TRHDE: variants seen among roughly 807,000 people sequenced by gnomAD.
TRHDE encodes thyrotropin-releasing hormone-degrading ectoenzyme.
In TRHDE, 72 loss-of-function variants were observed where a neutral mutation model predicts 125.7. That is an observed-to-expected ratio of 0.57 (90% CI 0.47 to 0.70). The LOEUF is 0.70. Among genes scored for constraint, TRHDE ranks in the 30% least tolerant of loss-of-function variants. TRHDE has a pLI of 0.00. For missense variants in TRHDE, 1,110 were observed against 1,327.1 expected (o/e 0.84, Z 2.54); for synonymous variants, 509 against 509.1 (o/e 1.00, Z 0.00).
intron 5 of TRHDE, among the ~76,000 whole-genome samples, chr12:72,489,420 G>A (rs1037569828): frequency 1.3e-4 from 20 of 151,790 alleles, no homozygotes; most frequent in African/African-American, 2.2e-4. Context: ...CTATATTACC[G>A]AAAGCAATGT....
At chr12:72,108,704 G>A (rs1293127628) in intron 2 of TRHDE, among the ~76,000 whole-genome samples, 4 of 152,046 alleles carry the variant, frequency 2.6e-5, no homozygotes, top group African/African-American at 9.7e-5. Flanking sequence ...TAAACCCATG[G>A]TAATTAGCAT....
At position 72,347,605 on chromosome 12, in the gene TRHDE, G is replaced by C. The variant is rs577779622; in HGVS notation, c.1189-30390G>C. ...GGGGCCACTTCCAAGTTACTAATGT[G>C]GTTGTTCACAGAATTCAGTTCCTCG... On this transcript the variant is annotated intron_variant, in intron 2 of 18. Coordinates refer to ENST00000261180, the MANE Select transcript of TRHDE (RefSeq NM_013381.3). Among the ~76,000 whole-genome samples, 7 of 152,132 alleles carry C rather than the reference G, an allele frequency of 4.6e-5. No individual in the cohort carries two copies. In the South Asian group the frequency reaches 1.0e-3, roughly 23 times the overall value.
At chr12:72,437,859 T>C (rs1194304774) in intron 3 of TRHDE, among the ~76,000 whole-genome samples, 1 of 151,876 alleles carries the variant, frequency 6.6e-6, no homozygotes, top group Non-Finnish European at 1.5e-5. Flanking sequence ...ATTTATACAA[T>C]AGAACTCTTA....
At chr12:72,645,131 A>G (rs1874229605) in intron 15 of TRHDE, among the ~76,000 whole-genome samples, 1 of 152,214 alleles carries the variant, frequency 6.6e-6, no homozygotes, top group African/African-American at 2.4e-5. Flanking sequence ...AAGGAACAAG[A>G]TAAGTCTTCA....
intron 2 of TRHDE, among the ~76,000 whole-genome samples, chr12:72,127,402 C>T (rs1276212823): frequency 6.6e-6 from 1 of 152,160 alleles, no homozygotes; most frequent in African/African-American, 2.4e-5. Flanking sequence ...TTCATTGCAG[C>T]ACAATTCACA....
chr12:72,151,070 G>A (rs1417269933), intron 2 of TRHDE, among the ~76,000 whole-genome samples: 1 of 152,130 alleles, frequency 6.6e-6, no homozygotes, highest in Non-Finnish European at 1.5e-5. Context: ...GTTGTTTCCT[G>A]ACTTCTTAAT....
intron 2 of TRHDE, among the ~76,000 whole-genome samples, chr12:72,131,780 G>A (rs890229493): frequency 1.3e-5 from 2 of 152,162 alleles, no homozygotes; most frequent in African/African-American, 4.8e-5. Context: ...AAAATCAAGT[G>A]AACAGGTGAA....
At chr12:72,638,039 G>A (rs1403228672) in intron 15 of TRHDE, among the ~76,000 whole-genome samples, 1 of 150,336 alleles carries the variant, frequency 6.7e-6, no homozygotes, top group Admixed American at 6.6e-5. Flanking sequence ...GCAGAGCTGA[G>A]TTCAATTCCT....
At chr12:72,582,475 G>T (rs1434994298) in intron 12 of TRHDE, 2 of 985,100 alleles carry the variant, frequency 2.0e-6, no homozygotes, top group East Asian at 2.3e-4. Context: ...AAGTTTTTTT[G>T]TGTCTTCTGG....
chr12:72,213,643 T>G (rs1452000014), intron 2 of TRHDE, among the ~76,000 whole-genome samples: 1 of 152,134 alleles, frequency 6.6e-6, no homozygotes, highest in Non-Finnish European at 1.5e-5. Context: ...AACTGCAACA[T>G]TTTCCATATA....
At chr12:72,100,994 CA>C (rs1019553076) in intron 1 of TRHDE, among the ~76,000 whole-genome samples, 5 of 152,178 alleles carry the variant, frequency 3.3e-5, no homozygotes, top group African/African-American at 9.7e-5. Flanking sequence ...TACCCAAATT[CA>C]GAAGTAAATG....
intron 3 of TRHDE, among the ~76,000 whole-genome samples, chr12:72,452,992 C>CA (rs1372599971): frequency 3.3e-5 from 5 of 152,110 alleles, no homozygotes; most frequent in African/African-American, 1.2e-4. Context: ...GTGAGAACAG[C>CA]CTAACACAGA....
chr12:72,455,895 G>A (rs1054919718), intron 3 of TRHDE, among the ~76,000 whole-genome samples: 1 of 151,838 alleles, frequency 6.6e-6, no homozygotes, highest in South Asian at 2.1e-4. Flanking sequence ...ATACAGAGGA[G>A]TCTACTTTCA....
At chr12:72,266,949 A>T (rs140797107) in intron 2 of TRHDE, among the ~76,000 whole-genome samples, 1 of 152,248 alleles carries the variant, frequency 6.6e-6, no homozygotes, top group Non-Finnish European at 1.5e-5. Flanking sequence ...GCTTAGACAA[A>T]TACTTGGTAC....
At chr12:72,543,959 C>G (rs1416265416) in intron 7 of TRHDE, among the ~76,000 whole-genome samples, 7 of 151,130 alleles carry the variant, frequency 4.6e-5, no homozygotes, top group African/African-American at 1.2e-4. Flanking sequence ...GCCTCTGACT[C>G]ATATCATATT....
intron 3 of TRHDE, among the ~76,000 whole-genome samples, chr12:72,452,540 A>T (rs1166954033): frequency 6.6e-6 from 1 of 152,094 alleles, no homozygotes; most frequent in East Asian, 1.9e-4. Context: ...AAGGCTTTTA[A>T]ATTATTGCTG....
At chr12:72,478,931 A>C (rs1432723234) in intron 5 of TRHDE, among the ~76,000 whole-genome samples, 2 of 151,162 alleles carry the variant, frequency 1.3e-5, no homozygotes, top group Non-Finnish European at 3.0e-5. Context: ...GCAAAAAAAA[A>C]AAAAAAAAAA....
At chr12:72,561,581 A>C (rs1235727178) in intron 7 of TRHDE, among the ~76,000 whole-genome samples, 1 of 152,198 alleles carries the variant, frequency 6.6e-6, no homozygotes, top group East Asian at 1.9e-4. Context: ...CAAAATGTTA[A>C]ATAAACTCAG....
chr12:72,425,538 T>C (rs892906710), intron 3 of TRHDE, among the ~76,000 whole-genome samples: 1 of 152,114 alleles, frequency 6.6e-6, no homozygotes, highest in Non-Finnish European at 1.5e-5. Flanking sequence ...TCAGTTAAGA[T>C]CCTCACCTTG....
Sources: allele counts gnomAD v4.1 joint callset (sites outside exome capture counted in the v4.1 genomes callset), GRCh38; gene constraint gnomAD v4.1.1; transcripts MANE v1.5; gene names NCBI Gene and HGNC (gene_info 2026-07-23, HGNC 2026-07-21).